Variants in HLA-DQB1 observed in about 807,000 individuals in gnomAD.
HLA-DQB1 encodes the protein HLA class II histocompatibility antigen, DQ beta 1 chain.
In HLA-DQB1, 13 loss-of-function variants were observed where a neutral mutation model predicts 26.4. The ratio of observed to expected loss-of-function variants is 0.49; its 90% CI spans 0.32 to 0.78. The LOEUF (loss-of-function observed/expected upper bound fraction) is 0.78. HLA-DQB1 is among the 30% of genes least tolerant of loss of function. The pLI is 0.03. For synonymous variants in HLA-DQB1, 60 were observed against 129.1 expected (o/e 0.46, Z 3.63); for missense variants, 158 against 326.2 (o/e 0.48, Z 3.97).
chr6:32,666,210 C>A (rs116850050), intron 1 of HLA-DQB1, among the ~76,000 whole-genome samples: 2 of 150,966 alleles, frequency 1.3e-5, no homozygotes, highest in African/African-American at 4.9e-5. Flanking sequence ...TCAAAAATAA[C>A]CCCATGCTCA....
intron 3 of HLA-DQB1, 108 bp from the exon 4 acceptor site, chr6:32,661,565 C>T: frequency 1.4e-6 from 1 of 718,770 alleles, no homozygotes; most frequent in Non-Finnish European, 2.1e-6. Flanking sequence ...TCAAAGGAAC[C>T]TAGTTCTCCA....
At chr6:32,666,610 C>G in exon 1 of HLA-DQB1, 1 of 986,850 alleles carries the variant, frequency 1.0e-6, no homozygotes, top group Non-Finnish European at 1.5e-6. Context: ...CAAGACATAA[C>G]TGAGACGAAG....
intron 4 of HLA-DQB1, among the ~76,000 whole-genome samples, chr6:32,661,129 T>A (rs35139916): frequency 0.11 from 12,240 of 115,606 alleles, 1,379 homozygotes; most frequent in Middle Eastern, 0.22. Context: ...CAATGATGAA[T>A]GGTAAGGATG....
exon 1 of HLA-DQB1, chr6:32,666,571 G>A: frequency 8.4e-7 from 1 of 1,195,026 alleles, no homozygotes; most frequent in Non-Finnish European, 1.2e-6. Flanking sequence ...GCTACCCGAA[G>A]GTCTCCGGGG....
chr6:32,661,956 T>A lies in HLA-DQB1; in HGVS notation c.661+11A>T. On this transcript the variant is annotated intron_variant, in intron 3 of 4. Transcript: ENST00000434651. ...TGGGCCCATAGTAACAGAAACTCAATATCCCCTTACGCCACTCCACGGTGA... is the reference window on the plus strand; with the variant it reads ...TGGGCCCATAGTAACAGAAACTCAAAATCCCCTTACGCCACTCCACGGTGA... 6.6e-7 allele frequency: 1 copy of A among 1,512,014 alleles called. No individual in the cohort carries two copies. Among genetic ancestry groups the A allele is most frequent in the Non-Finnish European group, 9.0e-7 (1 of 1,117,114 alleles). The allele number at this position is 1,512,014 out of a possible 1,614,324, so 93.7% of individuals were successfully genotyped here.
intron 4 of HLA-DQB1, chr6:32,660,690 G>T (rs1426267743): frequency 4.5e-6 from 2 of 449,152 alleles, no homozygotes; most frequent in African/African-American, 4.0e-5. Flanking sequence ...TGGTTCTGGG[G>T]AACAATGTCT....
chr6:32,665,435 G>C (rs28746812), intron 1 of HLA-DQB1, among the ~76,000 whole-genome samples: 29,672 of 123,448 alleles, frequency 0.24, 6,179 homozygotes, highest in East Asian at 0.32. Context: ...CAGAGATAAA[G>C]TTATCCACAT....
intron 1 of HLA-DQB1, 97 bp from the exon 2 acceptor site, chr6:32,665,164 A>T: frequency 2.6e-6 from 2 of 760,468 alleles, no homozygotes; most frequent in Non-Finnish European, 3.8e-6. Context: ...CGCCCGCGCG[A>T]CCTCCAGTTC....
chr6:32,663,271 T>C (rs1218718762), intron 2 of HLA-DQB1: 3 of 151,390 alleles, frequency 2.0e-5, no homozygotes, highest in Non-Finnish European at 4.4e-5. Context: ...AAAACTGAAA[T>C]AGCAAAAATA....
intron 3 of HLA-DQB1, 189 bp from the exon 4 acceptor site, chr6:32,661,646 G>A (rs9273762): frequency 0.036 from 15,184 of 425,468 alleles, 3,901 homozygotes; most frequent in East Asian, 0.27. Flanking sequence ...GTGAGAGAGT[G>A]GGGAAGCAAA....
chr6:32,662,351 T>C lies in HLA-DQB1; in HGVS notation c.380-103A>G, dbSNP rs281864031. The C allele has an allele frequency of 4.0e-6, 2 of 505,566 alleles. 1 individual carries two copies. Among genetic ancestry groups the C allele is most frequent in the Non-Finnish European group, 6.1e-6 (2 of 326,536 alleles). 31.3% of individuals were successfully genotyped at this position (505,566 alleles called of 1,614,324 possible). ...CCCTCCTTGGACCAGAGTGGAAAGATACCTGGAGTCGAAGTCTTGGATTAA... is the reference window on the plus strand; with the variant it reads ...CCCTCCTTGGACCAGAGTGGAAAGACACCTGGAGTCGAAGTCTTGGATTAA... On this transcript the variant is annotated intron_variant, in intron 2 of 4. Transcript: ENST00000434651.
At chr6:32,664,916 C>A (rs41557617) in exon 2 of HLA-DQB1, 1 of 1,363,616 alleles carries the variant, frequency 7.3e-7, no homozygotes. Context: ...CGGCATCAGG[C>A]CGCCCCTGCG....
At chr6:32,663,091 T>C (rs9274211) in intron 2 of HLA-DQB1, 95,398 of 130,120 alleles carry the variant, frequency 0.73, 37,013 homozygotes, top group East Asian at 0.9. Flanking sequence ...GAAGGAATCA[T>C]GGTTTCTGCT....
chr6:32,664,420 A>C, intron 2 of HLA-DQB1: 1 of 127,662 alleles, frequency 7.8e-6, no homozygotes, highest in Non-Finnish European at 1.6e-5. Context: ...TGGGTGGGGC[A>C]GTGCTAGCGA....
intron 3 of HLA-DQB1, 134 bp downstream of exon 3, chr6:32,661,833 G>T: frequency 1.4e-6 from 1 of 735,826 alleles, no homozygotes. Flanking sequence ...ACTTGCCATG[G>T]AGCAAGAGGT....
rs1251990759 is a variant in HLA-DQB1, at chr6:32,662,988, T to C, written c.380-740A>G. ...CCGTGCAGAGGTCGGCCTGGGCTAA[T>C]GAGCCTGTAATGTGAACATATACAT... is the stretch of plus-strand genomic sequence containing the variant. On this transcript the variant is annotated intron_variant, in intron 2 of 4. Transcript: ENST00000434651. 5 of 138,834 alleles carry C rather than the reference T, an allele frequency of 3.6e-5. No homozygotes were observed. In the East Asian group the frequency reaches 1.0e-3, roughly 29 times the overall value. The allele number at this position is 138,834 out of a possible 1,614,324, so 8.6% of individuals were successfully genotyped here. A position where few individuals can be genotyped will look rare whatever the true frequency, so the allele number is the denominator to read the frequency against.
intron 1 of HLA-DQB1, 26 bp from the exon 2 acceptor site, chr6:32,665,093 T>TCCGGCCCTGGC (rs758137490): frequency 9.0e-7 from 1 of 1,111,690 alleles, no homozygotes; most frequent in Non-Finnish European, 1.2e-6. Flanking sequence ...GGCCGGTCAG[T>TCCGGCCCTGGC]CAGGCCCCAG....
intron 3 of HLA-DQB1, 50 bp from the exon 4 acceptor site, chr6:32,661,507 C>T: frequency 9.6e-7 from 1 of 1,043,528 alleles, no homozygotes; most frequent in Non-Finnish European, 1.3e-6. Flanking sequence ...CCCATAGCAT[C>T]CCTGCTGAGG....
intron 1 of HLA-DQB1, among the ~76,000 whole-genome samples, chr6:32,665,579 T>TG (rs9282152): frequency 0.046 from 5,296 of 116,348 alleles, 1,196 homozygotes; most frequent in East Asian, 0.13. Context: ...CCAAGTCCCG[T>TG]TGAGGTTCAC....
Sources: allele counts gnomAD v4.1 joint callset (sites outside exome capture counted in the v4.1 genomes callset), GRCh38; gene constraint gnomAD v4.1.1; transcripts MANE v1.5; gene names NCBI Gene and HGNC (gene_info 2026-07-23, HGNC 2026-07-21).